Variants in SLC43A2 observed in about 807,000 individuals in gnomAD.
SLC43A2 encodes large neutral amino acids transporter small subunit 4.
In SLC43A2, 38 loss-of-function variants were observed where a neutral mutation model predicts 63.2. The ratio of observed to expected loss-of-function variants is 0.60; its 90% confidence interval spans 0.46 to 0.79. SLC43A2 has a LOEUF of 0.79. Among genes scored for constraint, SLC43A2 ranks in the 30% least tolerant of loss-of-function variants. SLC43A2 has a pLI of 0.00. For synonymous variants in SLC43A2, 322 were observed against 331.0 expected, an observed-to-expected ratio of 0.97 and a Z score of 0.30; for missense variants, 644 against 756.2, an observed-to-expected ratio of 0.85 and a Z score of 1.74.
Position 1,591,278 on chromosome 17 carries a change from C to T in SLC43A2, c.922G>A (p.Asp308Asn), listed in dbSNP as rs1398869813. The change falls in exon 8 of 14, where the codon GAT becomes AAT. Residue 308 changes from aspartate (D) to asparagine (N), a missense_variant. Coordinates refer to ENST00000301335, the MANE Select transcript of SLC43A2 (RefSeq NM_152346.3). ...TVDLEVKCQP[D>N]AAVAPSFMHS... Reference sequence around the variant, plus strand: ...GGTCTCAGGCGGGTACCTGCGGCATCCGGCTGGCACTTCACCTCCAGGTCG... The same window carrying T: ...GGTCTCAGGCGGGTACCTGCGGCATTCGGCTGGCACTTCACCTCCAGGTCG... The T allele has an allele frequency of 1.9e-6, 3 of 1,604,090 alleles. No homozygotes were observed. In the East Asian group the frequency reaches 6.7e-5, roughly 36 times the overall value.
chr17:1,591,729 G>GGA (rs1567622497), intron 6 of SLC43A2, 30 bp from the exon 7 acceptor site: 2 of 854,772 alleles, frequency 2.3e-6, no homozygotes, highest in African/African-American at 2.0e-5. Context: ...CGGGGTGGGG[G>GGA]GGGGAGGGGG....
In SLC43A2 at chr17:1,583,756, C is replaced by T. The variant is rs1177590526; in HGVS notation, c.1218-420G>A. On this transcript the variant is annotated intron_variant, in intron 10 of 13. Transcript: ENST00000301335. This position sits in a 1 kb window ranked among gnomAD's most constrained non-coding sequence, Gnocchi z 5.5. Reference sequence around the variant, plus strand: ...AAATAGGGGAGTGAATGGGTTTCCCCTTGTGGGGACAGGAGAGGGTAAAGG... The same window carrying T: ...AAATAGGGGAGTGAATGGGTTTCCCTTTGTGGGGACAGGAGAGGGTAAAGG... The T allele has an allele frequency of 5.4e-6, 1 of 185,374 alleles. No individual in the cohort carries two copies. Among genetic ancestry groups the T allele is most frequent in the East Asian group, 1.3e-4 (1 of 7,600 alleles). 11.5% of individuals were successfully genotyped at this position (185,374 alleles called of 1,614,324 possible). A position where few individuals can be genotyped will look rare whatever the true frequency, so the allele number is the denominator to read the frequency against.
intron 4 of SLC43A2, 112 bp from the exon 5 acceptor site, chr17:1,613,383 G>A: frequency 1.1e-6 from 1 of 889,744 alleles, no homozygotes; most frequent in Non-Finnish European, 1.8e-6. Context: ...AGTAAACGCA[G>A]GCCGGGGTTA....
At chr17:1,622,051 G>A (rs76934526) in intron 2 of SLC43A2, among the ~76,000 whole-genome samples, 8,103 of 152,254 alleles carry the variant, frequency 0.053, 734 homozygotes, top group African/African-American at 0.19. Flanking sequence ...GCCAGTGGAT[G>A]TCTGTGAGGG....
intron 9 of SLC43A2, among the ~76,000 whole-genome samples, chr17:1,589,999 C>A (rs192899582): frequency 1.2e-3 from 189 of 152,300 alleles, no homozygotes; most frequent in Non-Finnish European, 1.6e-3. Context: ...CTGGATTTCT[C>A]ATCCCCTAAA....
chr17:1,594,794 T>C (rs1287162170), intron 5 of SLC43A2, among the ~76,000 whole-genome samples: 15 of 151,786 alleles, frequency 9.9e-5, no homozygotes, highest in Middle Eastern at 6.8e-3. Flanking sequence ...TTCACCACGT[T>C]AGCCAGGATG....
chr17:1,623,683 GGC>G (rs1908373741), intron 2 of SLC43A2, among the ~76,000 whole-genome samples: 1 of 143,602 alleles, frequency 7.0e-6, no homozygotes, highest in Non-Finnish European at 1.5e-5. Flanking sequence ...TCTCCTCCAG[GGC>G]GTATCCTCCT....
Position 1,577,220 on chromosome 17 carries a change from T to G in SLC43A2, c.1425-500A>C, listed in dbSNP as rs2075947836. Reference sequence around the variant, plus strand: ...TGGACCAGCTCCAGGCCCCAGACTCTGGGGAGGGCCCACCCCACTCAGCTG... The same window carrying G: ...TGGACCAGCTCCAGGCCCCAGACTCGGGGGAGGGCCCACCCCACTCAGCTG... On this transcript the variant is annotated intron_variant, in intron 12 of 13. Transcript: ENST00000301335. The surrounding 1 kb of genome is among the most constrained non-coding windows in gnomAD (Gnocchi z 4.9). Among the ~76,000 whole-genome samples the G allele has an allele frequency of 6.6e-6, 1 of 152,116 alleles. No homozygotes were observed. Among genetic ancestry groups the G allele is most frequent in the African/African-American group, 2.4e-5 (1 of 41,432 alleles).
chr17:1,623,396 C>T (rs1908341905), intron 2 of SLC43A2, among the ~76,000 whole-genome samples: 1 of 152,184 alleles, frequency 6.6e-6, no homozygotes, highest in Non-Finnish European at 1.5e-5. Context: ...GTGACTTCCT[C>T]AGGCAGAGGC....
chr17:1,571,489 C>A lies in SLC43A2; in HGVS notation c.*4115G>T. On this transcript the variant is annotated 3_prime_UTR_variant, in exon 14 of 14. Transcript: ENST00000301335. The surrounding 1 kb of genome is among the most constrained non-coding windows in gnomAD (Gnocchi z 5.2). The stretch of plus-strand genomic sequence containing the variant: ...TGCATATCGGCTCACATTCACGCGG[C>A]TGCCACACAAGTGCGTCGGAAACTC... 6.6e-6 allele frequency: 1 copy of A among 152,402 alleles called. No homozygotes were observed. Among genetic ancestry groups the A allele is most frequent in the Non-Finnish European group, 1.5e-5 (1 of 68,096 alleles). 9.4% of individuals were successfully genotyped at this position (152,402 alleles called of 1,614,324 possible).
At position 1,576,585 on chromosome 17, in the gene SLC43A2, G is replaced by C. The variant is rs777206853; in HGVS notation, c.1548+12C>G. 1.3e-6 allele frequency: 2 copies of C among 1,596,078 alleles called. No homozygotes were observed. Among genetic ancestry groups the C allele is most frequent in the South Asian group, 2.2e-5 (2 of 90,576 alleles). Reference sequence around the variant, plus strand: ...AGGCGCCCATGACCCACCATCCCCCGACCCCTCTTACCCACAGAGGGTCTC... The same window carrying C: ...AGGCGCCCATGACCCACCATCCCCCCACCCCTCTTACCCACAGAGGGTCTC... On this transcript the variant is annotated intron_variant, in intron 13 of 13. Transcript: ENST00000301335.
intron 5 of SLC43A2, among the ~76,000 whole-genome samples, chr17:1,595,806 G>T (rs184384080): frequency 6.6e-6 from 1 of 152,084 alleles, no homozygotes; most frequent in Non-Finnish European, 1.5e-5. Flanking sequence ...TGAACTCCTG[G>T]CCTCAAGCTC....
chr17:1,627,664 CCCAAAG>C, intron 2 of SLC43A2, 45 bp downstream of exon 2: 1 of 985,962 alleles, frequency 1.0e-6, no homozygotes, highest in Non-Finnish European at 1.4e-6. Context: ...CCCGCCCCCT[CCCAAAG>C]CCCCAGCTCC....
intron 11 of SLC43A2, among the ~76,000 whole-genome samples, chr17:1,582,270 G>A (rs778481605): frequency 3.9e-5 from 6 of 152,034 alleles, no homozygotes; most frequent in Non-Finnish European, 8.8e-5. Context: ...TGTAGAGACA[G>A]GGTTTCACCA....
chr17:1,575,167 G>T lies in SLC43A2; in HGVS notation c.*437C>A. On this transcript the variant is annotated 3_prime_UTR_variant, in exon 14 of 14. Transcript: ENST00000301335. ...GGGGAGGGGGTGGGGGCCAGGCGCG[G>T]GCGAGACAGTGCAAGCCTTTGTCCT... is the stretch of plus-strand genomic sequence containing the variant. The T allele has an allele frequency of 5.0e-6, 1 of 200,244 alleles. No individual in the cohort carries two copies. The highest frequency in any genetic ancestry group is 7.0e-5 in the South Asian group (1 of 14,358). The allele number at this position is 200,244 out of a possible 1,614,324, so 12.4% of individuals were successfully genotyped here.
At chr17:1,575,799 G>A (rs770787187) in intron 13 of SLC43A2, 34 bp from the exon 14 acceptor site, 39 of 1,575,874 alleles carry the variant, frequency 2.5e-5, no homozygotes, top group Admixed American at 1.4e-4. Context: ...ATCACAGGGC[G>A]TGGTGGTGCG....
chr17:1,584,828 A>AAG (rs1163108254), intron 10 of SLC43A2, among the ~76,000 whole-genome samples: 6 of 151,684 alleles, frequency 4.0e-5, no homozygotes, highest in Non-Finnish European at 8.8e-5. Context: ...TCAAAAAAAA[A>AAG]AAAGAAAAAG....
chr17:1,626,116 C>T (rs568511310), intron 2 of SLC43A2, among the ~76,000 whole-genome samples: 76 of 149,418 alleles, frequency 5.1e-4, no homozygotes, highest in Middle Eastern at 3.5e-3. Flanking sequence ...CACAACAGTT[C>T]TCTGGTCTGG....
At position 1,591,719 on chromosome 17, in the gene SLC43A2, CGGGGTG is replaced by C; in HGVS notation, c.595-26_595-21del. The C allele has an allele frequency of 1.7e-5, 2 of 118,024 alleles. No homozygotes were observed. Among genetic ancestry groups the C allele is most frequent in the Non-Finnish European group, 3.6e-5 (2 of 55,394 alleles). 7.3% of individuals were successfully genotyped at this position (118,024 alleles called of 1,614,324 possible). A position where few individuals can be genotyped will look rare whatever the true frequency, so the allele number is the denominator to read the frequency against. On this transcript the variant is annotated intron_variant, in intron 6 of 13. Transcript: ENST00000301335. ...GATGAGCTGACAGGCACCGCGGGGA[CGGGGTG>C]GGGGGGGGAGGGGGCAGAGTTAGCC...
Sources: allele counts gnomAD v4.1 joint callset (sites outside exome capture counted in the v4.1 genomes callset), GRCh38; gene constraint gnomAD v4.1.1; non-coding constraint Gnocchi (gnomAD v3.1); transcripts MANE v1.5; gene names NCBI Gene and HGNC (gene_info 2026-07-23, HGNC 2026-07-21).